The following CDKN2B-AS1 variants were observed in gnomAD, a reference collection of about 807,000 sequenced individuals.
The protein encoded by CDKN2B-AS1 is CDKN2B antisense RNA 1 (non-protein coding).
chr9:22,026,388 A>T (rs1391752653), intron 1 of CDKN2B-AS1, among the ~76,000 whole-genome samples: 1 of 152,066 alleles, frequency 6.6e-6, no homozygotes, highest in Non-Finnish European at 1.5e-5. Flanking sequence ...GCCACATTTT[A>T]ATAGAGCAAC....
At chr9:22,098,551 G>T (rs532683578) in intron 4 of CDKN2B-AS1, among the ~76,000 whole-genome samples, 2 of 152,078 alleles carry the variant, frequency 1.3e-5, no homozygotes, top group East Asian at 1.9e-4. Context: ...TTGCTTTCAG[G>T]GTACATCAAA....
intron 1 of CDKN2B-AS1, chr9:22,003,575 A>C: frequency 4.4e-6 from 1 of 229,406 alleles, no homozygotes; most frequent in Non-Finnish European, 8.6e-6. Flanking sequence ...TCTTTTATAT[A>C]GAATGTTTTC....
chr9:22,009,256 G>C (rs1821368860), intron 1 of CDKN2B-AS1: 2 of 534,484 alleles, frequency 3.7e-6, no homozygotes, highest in African/African-American at 1.9e-5. Context: ...TGGCCGCAGG[G>C]TGCGGACGCG....
chr9:22,028,000 C>T (rs533153527), intron 1 of CDKN2B-AS1, among the ~76,000 whole-genome samples: 4 of 152,190 alleles, frequency 2.6e-5, no homozygotes, highest in East Asian at 3.9e-4. Flanking sequence ...TCAATATCTT[C>T]ATCAATATCT....
chr9:22,039,991 T>A lies in CDKN2B-AS1; in HGVS notation n.30-6760T>A, dbSNP rs1019314140. 2.0e-5 allele frequency among the ~76,000 whole-genome samples: 3 copies of A among 152,052 alleles called. No individual in the cohort carries two copies. Among genetic ancestry groups the A allele is most frequent in the African/African-American group, 7.2e-5 (3 of 41,444 alleles). On this transcript the variant is annotated intron_variant and non_coding_transcript_variant, in intron 1 of 4. Transcript: ENST00000650946. This position sits in a 1 kb window ranked among gnomAD's most constrained non-coding sequence, Gnocchi z 4.4. ...CACTGGGAGAATGCTCTCTGAAGACTGGAGTTATGCTGCTAAAAGTCACAA... is the reference window on the plus strand; with the variant it reads ...CACTGGGAGAATGCTCTCTGAAGACAGGAGTTATGCTGCTAAAAGTCACAA...
Position 22,016,319 on chromosome 9 carries a change from C to T in CDKN2B-AS1, n.29+21158C>T, listed in dbSNP as rs537621127. ...AAGAGGATACAAACAAATGGAAGAA[C>T]ATTCCATGCTTATGGATAGGAAGAA... On this transcript the variant is annotated intron_variant and non_coding_transcript_variant, in intron 1 of 4. Transcript: ENST00000650946. Among the ~76,000 whole-genome samples, 34 of 152,274 alleles carry T rather than the reference C, an allele frequency of 2.2e-4. No homozygotes were observed. The East Asian group carries it at 6.2e-3, about 28-fold the overall frequency.
intron 2 of CDKN2B-AS1, among the ~76,000 whole-genome samples, chr9:22,048,014 C>T (rs914370512): frequency 5.3e-5 from 8 of 151,286 alleles, no homozygotes; most frequent in Non-Finnish European, 2.9e-5. Context: ...AGGCTGGTCT[C>T]GAGCTCCTAG....
rs188991954 is a variant in CDKN2B-AS1 at position 22,064,591 on chromosome 9, A to T, written n.438+8204A>T. On this transcript the variant is annotated intron_variant and non_coding_transcript_variant, in intron 4 of 4. Coordinates refer to ENST00000650946, the Ensembl canonical transcript of CDKN2B-AS1. ...TTAATTGACCACAAATATTCCAAAG[A>T]TGGAGTGAATCAGTTCGAGACAGAG... Among the ~76,000 whole-genome samples the T allele has an allele frequency of 2.3e-3, 343 of 152,340 alleles. 1 individual carries two copies. The highest frequency in any genetic ancestry group is 3.8e-3 in the Non-Finnish European group (258 of 68,034).
chr9:22,114,983 C>A (rs1370657516), intron 4 of CDKN2B-AS1, among the ~76,000 whole-genome samples: 1 of 152,174 alleles, frequency 6.6e-6, no homozygotes. Context: ...CCCTTACTAT[C>A]CTGGTTGCCC....
intron 4 of CDKN2B-AS1, among the ~76,000 whole-genome samples, chr9:22,081,530 T>A (rs570446347): frequency 6.6e-6 from 1 of 152,296 alleles, no homozygotes; most frequent in South Asian, 2.1e-4. Context: ...CCTGGCCTGA[T>A]CCCAGGAAAA....
intron 3 of CDKN2B-AS1, among the ~76,000 whole-genome samples, chr9:22,051,685 CTACT>C (rs1362088613): frequency 2.0e-5 from 3 of 152,070 alleles, no homozygotes; most frequent in Admixed American, 6.6e-5. Flanking sequence ...GTAGTAAACA[CTACT>C]TAAGAAGGCC....
intron 4 of CDKN2B-AS1, among the ~76,000 whole-genome samples, chr9:22,124,563 T>C (rs1212155376): frequency 6.6e-6 from 1 of 152,250 alleles, no homozygotes; most frequent in South Asian, 2.1e-4. Context: ...ACAAATATTA[T>C]GCTTATTTCT....
chr9:22,043,811 A>G (rs1475412531), intron 1 of CDKN2B-AS1, among the ~76,000 whole-genome samples: 1 of 152,018 alleles, frequency 6.6e-6, no homozygotes, highest in Non-Finnish European at 1.5e-5. Flanking sequence ...ATACTTTAAT[A>G]TAAATATGTT....
chr9:22,045,038 T>TTGTGTGTG (rs3028395), intron 1 of CDKN2B-AS1, among the ~76,000 whole-genome samples: 9,568 of 141,818 alleles, frequency 0.067, 377 homozygotes, highest in Non-Finnish European at 0.092. Context: ...TATTATTTAT[T>TTGTGTGTG]TGTGTGTGTG....
intron 4 of CDKN2B-AS1, among the ~76,000 whole-genome samples, chr9:22,107,616 T>G (rs1825694994): frequency 6.6e-6 from 1 of 152,294 alleles, no homozygotes; most frequent in Admixed American, 6.5e-5. Flanking sequence ...ATCAGGGGCC[T>G]TGGAGCGGAT....
In CDKN2B-AS1 at chr9:22,079,132, A is replaced by G. The variant is rs574055322; in HGVS notation, n.438+22745A>G. On this transcript the variant is annotated intron_variant and non_coding_transcript_variant, in intron 4 of 4. Transcript: ENST00000650946. The stretch of plus-strand genomic sequence containing the variant: ...GTTTATCACAATTAAAAAGAAACCA[A>G]TGAAAAACATAAATATTGGAGATCA... 3.3e-5 allele frequency among the ~76,000 whole-genome samples: 5 copies of G among 152,368 alleles called. No homozygotes were observed. In the South Asian group the frequency reaches 8.3e-4, roughly 25 times the overall value.
At chr9:22,065,067 G>A (rs187395346) in intron 4 of CDKN2B-AS1, among the ~76,000 whole-genome samples, 3 of 152,242 alleles carry the variant, frequency 2.0e-5, no homozygotes, top group Admixed American at 2.0e-4. Context: ...CTTTAACAAA[G>A]CCAAGATTCT....
chr9:22,057,615 C>G (rs1405537603), intron 4 of CDKN2B-AS1, among the ~76,000 whole-genome samples: 1 of 151,820 alleles, frequency 6.6e-6, no homozygotes, highest in Non-Finnish European at 1.5e-5. Flanking sequence ...TCGAGGCCAG[C>G]TTGGGCAACA....
At chr9:22,054,710 A>T (rs1823484914) in intron 3 of CDKN2B-AS1, among the ~76,000 whole-genome samples, 2 of 147,814 alleles carry the variant, frequency 1.4e-5, no homozygotes, top group Non-Finnish European at 3.0e-5. Flanking sequence ...TATTTTTTTA[A>T]ATTTTTATTT....
Sources: allele counts gnomAD v4.1 joint callset (sites outside exome capture counted in the v4.1 genomes callset), GRCh38; gene constraint gnomAD v4.1.1; non-coding constraint Gnocchi (gnomAD v3.1); transcripts MANE v1.5; gene names NCBI Gene and HGNC (gene_info 2026-07-23, HGNC 2026-07-21).